TNNI3K: variants seen among roughly 807,000 people sequenced by gnomAD.
TNNI3K encodes TNNI3 interacting kinase.
TNNI3K carries 140 observed loss-of-function variants against 114.5 expected under a neutral mutation model. The observed-to-expected ratio is 1.22, with a 90% CI of 1.07 to 1.41. The LOEUF is 1.41. Ranked by LOEUF, TNNI3K falls within the 40% of genes most tolerant of loss-of-function variation. TNNI3K has a pLI of 0.00. For missense variants in TNNI3K, 1,125 were observed against 1,007.6 expected (o/e 1.12, Z -1.58); for synonymous variants, 347 against 347.5 (o/e 1.00, Z 0.02).
chr1:74,486,662 T>G (rs527252532), intron 21 of TNNI3K, among the ~76,000 whole-genome samples: 1 of 151,890 alleles, frequency 6.6e-6, no homozygotes, highest in Non-Finnish European at 1.5e-5. Context: ...TTTAAAGACA[T>G]AAGACTGAAT....
intron 17 of TNNI3K, among the ~76,000 whole-genome samples, chr1:74,384,395 T>C (rs1663368266): frequency 6.6e-6 from 1 of 152,142 alleles, no homozygotes; most frequent in Non-Finnish European, 1.5e-5. Context: ...GAAAAGTTAG[T>C]CAAACAAACT....
intron 7 of TNNI3K, 65 bp from the exon 8 acceptor site, chr1:74,342,777 A>G: frequency 6.3e-7 from 1 of 1,581,590 alleles, no homozygotes; most frequent in Non-Finnish European, 8.6e-7. Context: ...ATGATACTAT[A>G]CATATGAAGG....
At chr1:74,349,097 A>G (rs1387641697) in intron 9 of TNNI3K, among the ~76,000 whole-genome samples, 6 of 152,110 alleles carry the variant, frequency 3.9e-5, no homozygotes, top group Non-Finnish European at 8.8e-5. Context: ...GAATGCTTCC[A>G]GTTTTTGCCC....
At chr1:74,347,012 T>G (rs1661037104) in intron 9 of TNNI3K, among the ~76,000 whole-genome samples, 1 of 151,828 alleles carries the variant, frequency 6.6e-6, no homozygotes, top group African/African-American at 2.4e-5. Context: ...TTATTATTAT[T>G]TTTCTACTTT....
rs1372838424 is a variant in TNNI3K, at chr1:74,266,800, A to C, written c.334-4798A>C. ...TAAGTAAGCATTGTTTTAGAGTTTTATGGCTAGTACAGAGTTGCAGTTACT... is the reference window on the plus strand; with the variant it reads ...TAAGTAAGCATTGTTTTAGAGTTTTCTGGCTAGTACAGAGTTGCAGTTACT... On this transcript the variant is annotated intron_variant, in intron 4 of 24. Coordinates refer to ENST00000326637, the MANE Select transcript of TNNI3K (RefSeq NM_015978.3). 2.0e-5 allele frequency among the ~76,000 whole-genome samples: 3 copies of C among 151,960 alleles called. No homozygotes were observed. The South Asian group carries it at 6.2e-4, about 31-fold the overall frequency.
chr1:74,451,740 T>TTTCC (rs1667031258), intron 20 of TNNI3K, among the ~76,000 whole-genome samples: 1 of 47,944 alleles, frequency 2.1e-5, no homozygotes, highest in Non-Finnish European at 4.3e-5. Flanking sequence ...TCTTTCTTTC[T>TTTCC]TTCTTTCTTT....
intron 9 of TNNI3K, among the ~76,000 whole-genome samples, chr1:74,349,802 G>T (rs1453392900): frequency 6.6e-6 from 1 of 152,146 alleles, no homozygotes; most frequent in African/African-American, 2.4e-5. Context: ...GTATTTCTGT[G>T]GGATCGGTGG....
At chr1:74,450,689 A>G (rs1168762623) in intron 20 of TNNI3K, among the ~76,000 whole-genome samples, 1 of 152,192 alleles carries the variant, frequency 6.6e-6, no homozygotes, top group African/African-American at 2.4e-5. Context: ...GATCAAAACC[A>G]CAATGAGACA....
At chr1:74,406,050 T>C (rs1664596797) in intron 17 of TNNI3K, among the ~76,000 whole-genome samples, 1 of 152,226 alleles carries the variant, frequency 6.6e-6, no homozygotes, top group African/African-American at 2.4e-5. Context: ...AAGGCCAAAA[T>C]TGAGAGATGG....
chr1:74,489,478 G>A (rs1668938972), intron 22 of TNNI3K, among the ~76,000 whole-genome samples: 1 of 152,154 alleles, frequency 6.6e-6, no homozygotes, highest in African/African-American at 2.4e-5. Flanking sequence ...AATAGGGCAG[G>A]CAAATGGACA....
chr1:74,340,892 A>G (rs1660716673), intron 7 of TNNI3K, among the ~76,000 whole-genome samples: 2 of 152,172 alleles, frequency 1.3e-5, no homozygotes, highest in African/African-American at 4.8e-5. Context: ...TCTGAATGAA[A>G]GGCGTCTTTT....
intron 20 of TNNI3K, among the ~76,000 whole-genome samples, chr1:74,460,079 C>CTT (rs776231729): frequency 1.4e-5 from 2 of 146,382 alleles, no homozygotes; most frequent in Non-Finnish European, 3.0e-5. Flanking sequence ...CAACATATAA[C>CTT]TTTTTTTTTT....
At chr1:74,527,830 A>G (rs564723569) in intron 23 of TNNI3K, among the ~76,000 whole-genome samples, 19 of 152,288 alleles carry the variant, frequency 1.2e-4, no homozygotes, top group African/African-American at 4.6e-4. Context: ...GACTTCCCCA[A>G]TGGATATGGA....
chr1:74,519,763 A>G (rs1014113779), intron 23 of TNNI3K, among the ~76,000 whole-genome samples: 37 of 152,280 alleles, frequency 2.4e-4, no homozygotes, highest in African/African-American at 8.9e-4. Flanking sequence ...AAGTACCTAT[A>G]ATGAAGATAT....
chr1:74,514,886 T>C (rs996001799), intron 23 of TNNI3K, among the ~76,000 whole-genome samples: 1 of 152,110 alleles, frequency 6.6e-6, no homozygotes, highest in African/African-American at 2.4e-5. Flanking sequence ...GAGAAGTTCA[T>C]AGGAGTTTAT....
intron 21 of TNNI3K, among the ~76,000 whole-genome samples, chr1:74,472,406 G>A (rs1463949000): frequency 6.6e-6 from 1 of 152,162 alleles, no homozygotes; most frequent in Non-Finnish European, 1.5e-5. Flanking sequence ...TGGTCACACT[G>A]CAGTCAGTTG....
rs560768942 is a variant in TNNI3K, at chr1:74,319,531, T to A, written c.445-11919T>A. On this transcript the variant is annotated intron_variant, in intron 5 of 24. Coordinates refer to ENST00000326637, the MANE Select transcript of TNNI3K (RefSeq NM_015978.3). ...GAGATGGATTCATAGAGAGATTACTTGTTATGTCTCGAAGATATGGACTCC... is the reference window on the plus strand; with the variant it reads ...GAGATGGATTCATAGAGAGATTACTAGTTATGTCTCGAAGATATGGACTCC... Among the ~76,000 whole-genome samples, 7 of 152,274 alleles carry A rather than the reference T, an allele frequency of 4.6e-5. No individual in the cohort carries two copies. In the East Asian group the frequency reaches 1.4e-3, roughly 29 times the overall value.
At chr1:74,535,082 G>A (rs998030864) in intron 23 of TNNI3K, among the ~76,000 whole-genome samples, 4 of 152,150 alleles carry the variant, frequency 2.6e-5, no homozygotes, top group Admixed American at 2.0e-4. Context: ...GTCAGATAAG[G>A]AAGCTAAAAA....
chr1:74,361,158 C>A (rs1012614361), intron 11 of TNNI3K, among the ~76,000 whole-genome samples: 2 of 152,030 alleles, frequency 1.3e-5, no homozygotes, highest in African/African-American at 4.8e-5. Flanking sequence ...AATAAACAGG[C>A]AAAATATTTT....
Sources: gnomAD v4.1 joint callset for allele counts (sites outside exome capture counted in the v4.1 genomes callset) on GRCh38, gnomAD v4.1.1 for gene constraint, MANE v1.5 for transcripts, NCBI Gene and HGNC (gene_info 2026-07-23, HGNC 2026-07-21) for gene names.